The following PTH1R variants were observed in gnomAD, a reference collection of about 807,000 sequenced individuals.
The protein encoded by PTH1R is parathyroid hormone 1 receptor, also known as parathyroid hormone/parathyroid hormone-related peptide receptor.
In PTH1R, 32 loss-of-function variants were observed where a neutral mutation model predicts 70.7. The ratio of observed to expected loss-of-function variants is 0.45; its 90% CI spans 0.34 to 0.61. The LOEUF (loss-of-function observed/expected upper bound fraction) is 0.61, where lower values mean the gene tolerates loss of function less well. PTH1R is among the 20% of genes least tolerant of loss of function. PTH1R has a pLI of 0.01. For synonymous variants in PTH1R, 329 were observed against 324.8 expected (o/e 1.01, Z -0.14); for missense variants, 626 against 792.5 (o/e 0.79, Z 2.52).
Position 46,902,805 on chromosome 3 carries a change from G to A in PTH1R, c.1395+15G>A, listed in dbSNP as rs151077141. 1.2e-3 allele frequency: 1,998 copies of A among 1,613,704 alleles called. 16 individuals carry two copies. In the African/African-American group the frequency reaches 0.024, roughly 19 times the overall value. On this transcript the variant is annotated intron_variant, in intron 15 of 15. Transcript: ENST00000449590. This position sits in a 1 kb window ranked among gnomAD's most constrained non-coding sequence, Gnocchi z 5.4. ...GCAATGGCGAGGTAAGCAGGAGACA[G>A]TGTTGGCATAGGGCAGGGTGGGGCA... is the stretch of plus-strand genomic sequence containing the variant.
chr3:46,893,810 T>G lies in PTH1R; in HGVS notation c.76-97T>G. The G allele has an allele frequency of 2.6e-6, 3 of 1,147,356 alleles. No individual in the cohort carries two copies. The highest frequency in any genetic ancestry group is 3.9e-6 in the Non-Finnish European group (3 of 774,412). 71.1% of individuals were successfully genotyped at this position (1,147,356 alleles called of 1,614,324 possible). A position where few individuals can be genotyped will look rare whatever the true frequency, so the allele number is the denominator to read the frequency against. On this transcript the variant is annotated intron_variant, in intron 3 of 15. Coordinates refer to ENST00000449590, the MANE Select transcript of PTH1R (RefSeq NM_000316.3). This position sits in a 1 kb window ranked among gnomAD's most constrained non-coding sequence, Gnocchi z 5.2. ...CACCTTCCCTCTAGAGTCAGGGCCTTTTGAAAGGGGGTAGTCCCTCTGGGA... is the reference window on the plus strand; with the variant it reads ...CACCTTCCCTCTAGAGTCAGGGCCTGTTGAAAGGGGGTAGTCCCTCTGGGA...
intron 3 of PTH1R, among the ~76,000 whole-genome samples, chr3:46,886,636 C>T (rs2031051062): frequency 6.6e-6 from 1 of 152,186 alleles, no homozygotes. Context: ...GGATTACAGG[C>T]GTGAGCCACC....
chr3:46,899,338 C>T lies in PTH1R; in HGVS notation c.870C>T (p.Tyr290=), dbSNP rs371454798. The T allele has an allele frequency of 2.5e-6, 4 of 1,613,988 alleles. No individual in the cohort carries two copies. Among genetic ancestry groups the T allele is most frequent in the Non-Finnish European group, 3.4e-6 (4 of 1,180,028 alleles). The change falls in exon 10 of 16, where the codon TAC becomes TAT. Residue 290 remains tyrosine, a synonymous_variant. Coordinates refer to ENST00000449590, the MANE Select transcript of PTH1R (RefSeq NM_000316.3). ...GGGTGGCTGTGACCTTCTTCCTTTA[C>T]TTCCTGGCCACCAACTACTACTGGA... ...GCRVAVTFFL[Y]FLATNYYWIL...
At chr3:46,898,301 C>A in intron 7 of PTH1R, 77 bp from the exon 8 acceptor site, 2 of 1,576,060 alleles carry the variant, frequency 1.3e-6, no homozygotes, top group Non-Finnish European at 1.7e-6. Flanking sequence ...AGCAACCTTA[C>A]CCTGGCCTCT....
chr3:46,887,857 G>T (rs1397299115), intron 3 of PTH1R, among the ~76,000 whole-genome samples: 2 of 152,146 alleles, frequency 1.3e-5, no homozygotes, highest in Non-Finnish European at 2.9e-5. Flanking sequence ...GATCATTTCT[G>T]CATAATTTGT....
At chr3:46,880,702 G>A (rs1234593892) in intron 1 of PTH1R, among the ~76,000 whole-genome samples, 1 of 152,164 alleles carries the variant, frequency 6.6e-6, no homozygotes, top group Non-Finnish European at 1.5e-5. Context: ...ACTCCAGCCT[G>A]GGTGACAAAG....
At chr3:46,878,042 C>T (rs2030335775) in intron 1 of PTH1R, among the ~76,000 whole-genome samples, 199 bp downstream of exon 1, 1 of 152,228 alleles carries the variant, frequency 6.6e-6, no homozygotes, top group Non-Finnish European at 1.5e-5. Flanking sequence ...GACAGAAAGC[C>T]CATACCTCTA....
rs2031730341 is a variant in PTH1R, at chr3:46,896,017, A to C, written c.313+148A>C. The C allele has an allele frequency of 9.1e-7, 1 of 1,099,896 alleles. No individual in the cohort carries two copies. The highest frequency in any genetic ancestry group is 1.3e-6 in the Non-Finnish European group (1 of 755,708). The allele number at this position is 1,099,896 out of a possible 1,614,324, so 68.1% of individuals were successfully genotyped here. A position where few individuals can be genotyped will look rare whatever the true frequency, so the allele number is the denominator to read the frequency against. On this transcript the variant is annotated intron_variant, in intron 5 of 15. Transcript: ENST00000449590. The surrounding 1 kb of genome is among the most constrained non-coding windows in gnomAD (Gnocchi z 4.1). ...CATCCCCAGGCAAGGGGCTGGGAGA[A>C]GACAGAGTGTAGTGGGAAGGAAGGG...
At chr3:46,897,712 C>G in intron 5 of PTH1R, 143 bp from the exon 6 acceptor site, 1 of 792,962 alleles carries the variant, frequency 1.3e-6, no homozygotes. Flanking sequence ...GCCTGAGCAA[C>G]AAAAGCGAAA....
chr3:46,892,477 G>GCGCA lies in PTH1R; in HGVS notation c.76-1424_76-1421dup, dbSNP rs947143417. ...CTCGAGAATGCGCTGCCACTCGCGC[G>GCGCA]CGCACGCACAGGGACGCGCACGCGG... On this transcript the variant is annotated intron_variant, in intron 3 of 15. Coordinates refer to ENST00000449590, the MANE Select transcript of PTH1R (RefSeq NM_000316.3). The surrounding 1 kb of genome is among the most constrained non-coding windows in gnomAD (Gnocchi z 5.2). Among the ~76,000 whole-genome samples, 2 of 152,150 alleles carry GCGCA rather than the reference G, an allele frequency of 1.3e-5. No individual in the cohort carries two copies. The highest frequency in any genetic ancestry group is 4.8e-5 in the African/African-American group (2 of 41,434).
rs986530544 is a variant in PTH1R, at chr3:46,879,495, C to T, written c.-105-1567C>T. 6.6e-6 allele frequency among the ~76,000 whole-genome samples: 1 copy of T among 152,186 alleles called. No homozygotes were observed. ...CGGTGGTTCATGCCTGTAATCCCAG[C>T]ACTTTGGGAGGCCGAGGCAGGAGGA... On this transcript the variant is annotated intron_variant, in intron 1 of 15. Transcript: ENST00000449590. This position sits in a 1 kb window ranked among gnomAD's most constrained non-coding sequence, Gnocchi z 4.7.
At position 46,883,829 on chromosome 3, in the gene PTH1R, C is replaced by T. The variant is rs1466218797; in HGVS notation, c.75+195C>T. On this transcript the variant is annotated intron_variant, in intron 3 of 15. Coordinates refer to ENST00000449590, the MANE Select transcript of PTH1R (RefSeq NM_000316.3). This position sits in a 1 kb window ranked among gnomAD's most constrained non-coding sequence, Gnocchi z 6.4. Reference sequence around the variant, plus strand: ...GTGGGTTCCAGCTGCCTGAAGCCTCCCTATTTCTGAAGCCTCGTTTGGGGT... The same window carrying T: ...GTGGGTTCCAGCTGCCTGAAGCCTCTCTATTTCTGAAGCCTCGTTTGGGGT... Among the ~76,000 whole-genome samples, 1 of 152,204 alleles carries T rather than the reference C, an allele frequency of 6.6e-6. No homozygotes were observed. Among genetic ancestry groups the T allele is most frequent in the Non-Finnish European group, 1.5e-5 (1 of 68,042 alleles).
intron 10 of PTH1R, among the ~76,000 whole-genome samples, chr3:46,900,295 G>C (rs1487460859): frequency 6.6e-6 from 1 of 152,204 alleles, no homozygotes; most frequent in Non-Finnish European, 1.5e-5. Context: ...AGGTGTCCTA[G>C]TGGACTGGCG....
At chr3:46,897,779 A>T in intron 5 of PTH1R, 76 bp from the exon 6 acceptor site, 1 of 1,252,198 alleles carries the variant, frequency 8.0e-7, no homozygotes, top group Non-Finnish European at 1.2e-6. Context: ...CCACAGATGT[A>T]TTCATCCTTC....
intron 1 of PTH1R, among the ~76,000 whole-genome samples, chr3:46,880,499 G>A (rs1453497723): frequency 1.3e-5 from 2 of 152,184 alleles, no homozygotes; most frequent in Non-Finnish European, 2.9e-5. Context: ...CAGCACTTTG[G>A]GAGGCTGAGG....
In PTH1R at chr3:46,902,454, G is replaced by A. The variant is rs2032180920; in HGVS notation, c.1212-72G>A. ...GAGCTTCCGGAGCCTGGGGCTCGCA[G>A]GGTGGGGGGTGGCACAATGCTTGTT... On this transcript the variant is annotated intron_variant, in intron 13 of 15. Coordinates refer to ENST00000449590, the MANE Select transcript of PTH1R (RefSeq NM_000316.3). The surrounding 1 kb of genome is among the most constrained non-coding windows in gnomAD (Gnocchi z 5.4). 1.3e-6 allele frequency: 2 copies of A among 1,583,256 alleles called. No individual in the cohort carries two copies. Among genetic ancestry groups the A allele is most frequent in the Non-Finnish European group, 1.7e-6 (2 of 1,165,292 alleles).
chr3:46,899,689 G>A (rs745355103), intron 10 of PTH1R, among the ~76,000 whole-genome samples: 2 of 152,188 alleles, frequency 1.3e-5, no homozygotes, highest in African/African-American at 2.4e-5. Flanking sequence ...ATTGAGGCTC[G>A]GCCCAGGAGA....
At chr3:46,899,582 G>A in intron 10 of PTH1R, 126 bp downstream of exon 10, 1 of 1,241,438 alleles carries the variant, frequency 8.1e-7, no homozygotes, top group Non-Finnish European at 1.1e-6. Context: ...GCAGGAGAGA[G>A]GCCTGCCGCC....
Position 46,882,346 on chromosome 3 carries a change from G to C in PTH1R, c.-48-1166G>C, listed in dbSNP as rs938914316. 1.3e-5 allele frequency: 2 copies of C among 152,002 alleles called. No individual in the cohort carries two copies. Among genetic ancestry groups the C allele is most frequent in the Non-Finnish European group, 2.9e-5 (2 of 67,970 alleles). 9.4% of individuals were successfully genotyped at this position (152,002 alleles called of 1,614,324 possible). A position where few individuals can be genotyped will look rare whatever the true frequency, so the allele number is the denominator to read the frequency against. ...CTGGAGGCCAGGCCGGCCAGCGGGG[G>C]GTATCCCGAGAGCTCCATGAAGTCC... On this transcript the variant is annotated intron_variant, in intron 2 of 15. Transcript: ENST00000449590. The surrounding 1 kb of genome is among the most constrained non-coding windows in gnomAD (Gnocchi z 4.3).
Sources: gnomAD v4.1 joint callset for allele counts (sites outside exome capture counted in the v4.1 genomes callset) on GRCh38, gnomAD v4.1.1 for gene constraint, Gnocchi (gnomAD v3.1) non-coding constraint, MANE v1.5 for transcripts, NCBI Gene and HGNC (gene_info 2026-07-23, HGNC 2026-07-21) for gene names.